The following TMEM132B variants were observed in gnomAD, a reference collection of about 807,000 sequenced individuals.
TMEM132B encodes the protein transmembrane protein 132B.
TMEM132B carries 18 observed loss-of-function variants against 90.8 expected under a neutral mutation model. That is an observed-to-expected ratio of 0.20 (90% CI 0.14 to 0.29). The LOEUF (loss-of-function observed/expected upper bound fraction) is 0.29. Among genes scored for constraint, TMEM132B ranks in the 10% least tolerant of loss-of-function variants. The probability of loss-of-function intolerance (pLI) is 1.00; values close to 1 mark genes in which losing one functional copy is unlikely to be tolerated. For synonymous variants in TMEM132B, 504 were observed against 523.3 expected, an observed-to-expected ratio of 0.96 and a Z score of 0.50; for missense variants, 1,096 against 1,326.8, an observed-to-expected ratio of 0.83 and a Z score of 2.70.
intron 3 of TMEM132B, among the ~76,000 whole-genome samples, chr12:125,470,398 C>T (rs144623421): frequency 1.6e-3 from 251 of 152,306 alleles, no homozygotes; most frequent in African/African-American, 5.7e-3. Flanking sequence ...CTCTGCATTG[C>T]GGTTGGAGTC....
At chr12:125,346,267 CAATA>C (rs1262932549) in intron 1 of TMEM132B, among the ~76,000 whole-genome samples, 2 of 152,134 alleles carry the variant, frequency 1.3e-5, no homozygotes, top group African/African-American at 2.4e-5. Flanking sequence ...ATAAAGAAAA[CAATA>C]AACCAATCTA....
At chr12:125,409,647 AGTGGAGTGGAGTGGAGTGAGT>A (rs1879648240) in intron 2 of TMEM132B, among the ~76,000 whole-genome samples, 1 of 55,556 alleles carries the variant, frequency 1.8e-5, no homozygotes, top group Non-Finnish European at 3.5e-5. Flanking sequence ...GGAGGAGTGG[AGTGGAGTGGAGTGGAGTGAGT>A]GGAGTGGAGT....
intron 1 of TMEM132B, among the ~76,000 whole-genome samples, chr12:125,335,176 C>A (rs1159166798): frequency 6.6e-6 from 1 of 152,200 alleles, no homozygotes; most frequent in Non-Finnish European, 1.5e-5. Context: ...TTTCTGACCC[C>A]AGGCATGGTC....
intron 4 of TMEM132B, among the ~76,000 whole-genome samples, chr12:125,577,450 T>G (rs1884965604): frequency 6.6e-6 from 1 of 151,010 alleles, no homozygotes; most frequent in African/African-American, 2.4e-5. Context: ...TGGTTTTCTG[T>G]ATTATATGTC....
intron 1 of TMEM132B, among the ~76,000 whole-genome samples, chr12:125,218,773 T>TTTG (rs982683223): frequency 1.3e-5 from 2 of 149,300 alleles, no homozygotes; most frequent in East Asian, 1.9e-4. Context: ...GAAGCTGTTT[T>TTTG]TTTTTTTTTT....
chr12:125,304,953 G>T (rs898681222), intron 1 of TMEM132B, among the ~76,000 whole-genome samples: 1 of 152,118 alleles, frequency 6.6e-6, no homozygotes, highest in Non-Finnish European at 1.5e-5. Flanking sequence ...GGAGGTCATT[G>T]TTCTCTCTGG....
intron 3 of TMEM132B, among the ~76,000 whole-genome samples, chr12:125,427,012 T>C (rs1227543249): frequency 6.6e-6 from 1 of 152,210 alleles, no homozygotes; most frequent in Non-Finnish European, 1.5e-5. Flanking sequence ...AGTTTAAAAG[T>C]GTTTAGAAAT....
chr12:125,425,935 A>G (rs1880307331), intron 3 of TMEM132B, among the ~76,000 whole-genome samples: 1 of 152,212 alleles, frequency 6.6e-6, no homozygotes, highest in African/African-American at 2.4e-5. Context: ...CTGTAGATGT[A>G]CGGTTTCAAC....
intron 4 of TMEM132B, among the ~76,000 whole-genome samples, chr12:125,523,023 T>A (rs934335293): frequency 3.3e-5 from 5 of 152,200 alleles, no homozygotes; most frequent in Admixed American, 2.6e-4. Flanking sequence ...CTTGTTTTGC[T>A]TGCTGGATGT....
chr12:125,257,375 T>C (rs972246447), intron 1 of TMEM132B, among the ~76,000 whole-genome samples: 4 of 152,186 alleles, frequency 2.6e-5, no homozygotes, highest in African/African-American at 9.6e-5. Flanking sequence ...GCAGGGAGAA[T>C]GAATGACCAA....
chr12:125,421,927 C>T (rs1880180407), intron 3 of TMEM132B, among the ~76,000 whole-genome samples: 1 of 152,192 alleles, frequency 6.6e-6, no homozygotes, highest in African/African-American at 2.4e-5. Context: ...ATAACAGGTG[C>T]CTCTATTTCA....
intron 3 of TMEM132B, among the ~76,000 whole-genome samples, chr12:125,485,517 G>A (rs554735625): frequency 8.6e-4 from 131 of 152,080 alleles, no homozygotes; most frequent in Non-Finnish European, 1.5e-3. Context: ...CCTTAGTGCC[G>A]GAACTAGGTC....
intron 1 of TMEM132B, among the ~76,000 whole-genome samples, chr12:125,190,341 C>T (rs75323288): frequency 0.044 from 6,738 of 151,526 alleles, 209 homozygotes; most frequent in African/African-American, 0.086. Flanking sequence ...GTGTCAAATC[C>T]GAAAGTTAGA....
chr12:125,544,705 AG>A (rs1884045549), intron 4 of TMEM132B, among the ~76,000 whole-genome samples: 1 of 152,246 alleles, frequency 6.6e-6, no homozygotes, highest in Non-Finnish European at 1.5e-5. Flanking sequence ...CAAGATGGCA[AG>A]AAGCCATATA....
At chr12:125,190,679 G>T (rs1351773578) in intron 1 of TMEM132B, among the ~76,000 whole-genome samples, 2 of 28,090 alleles carry the variant, frequency 7.1e-5, no homozygotes, top group Non-Finnish European at 1.5e-4. Flanking sequence ...GTGGTGATGG[G>T]GAAGGGGTGG....
chr12:125,330,325 A>T (rs867096609), intron 1 of TMEM132B, among the ~76,000 whole-genome samples: 26 of 125,918 alleles, frequency 2.1e-4, no homozygotes, highest in African/African-American at 9.1e-4. Flanking sequence ...GCTTTGTTTA[A>T]GGGGTTTCTT....
intron 1 of TMEM132B, among the ~76,000 whole-genome samples, chr12:125,267,898 T>G (rs1450323523): frequency 1.3e-5 from 2 of 152,196 alleles, no homozygotes; most frequent in African/African-American, 2.4e-5. Context: ...AATATTCGTG[T>G]ACAAGTTGCA....
intron 1 of TMEM132B, among the ~76,000 whole-genome samples, chr12:125,345,621 A>G (rs1363436354): frequency 2.0e-5 from 3 of 152,048 alleles, no homozygotes; most frequent in Non-Finnish European, 2.9e-5. Flanking sequence ...TGCCATTGGT[A>G]TTTTGAGTCG....
At chr12:125,248,560 A>C (rs1320977857) in intron 1 of TMEM132B, among the ~76,000 whole-genome samples, 1 of 152,222 alleles carries the variant, frequency 6.6e-6, no homozygotes, top group Non-Finnish European at 1.5e-5. Context: ...AAACCATCTG[A>C]ATGTGCCTAT....
Sources: allele counts gnomAD v4.1 joint callset (sites outside exome capture counted in the v4.1 genomes callset), GRCh38; gene constraint gnomAD v4.1.1; transcripts MANE v1.5; gene names NCBI Gene and HGNC (gene_info 2026-07-23, HGNC 2026-07-21).